The following SEMA3G variants were observed in gnomAD, a reference collection of about 807,000 sequenced individuals.
SEMA3G encodes the protein semaphorin 3G.
A neutral mutation model predicts 86.2 loss-of-function variants in SEMA3G; 70 were observed. The ratio of observed to expected loss-of-function variants is 0.81; its 90% confidence interval spans 0.67 to 0.99. The LOEUF (loss-of-function observed/expected upper bound fraction) is 0.99, where lower values mean the gene tolerates loss of function less well. SEMA3G is among the 50% of genes least tolerant of loss of function. SEMA3G has a pLI of 0.00. For missense variants in SEMA3G, 1,002 were observed against 1,072.4 expected, an observed-to-expected ratio of 0.93 and a Z score of 0.92; for synonymous variants, 416 against 441.4, an observed-to-expected ratio of 0.94 and a Z score of 0.72.
In SEMA3G at chr3:52,442,283, G is replaced by T. The variant is rs1335526424; in HGVS notation, c.361C>A (p.Arg121=). Residue 121 remains arginine (R), a synonymous_variant, in exon 4 of 16, where the codon CGG becomes AGG. Coordinates refer to ENST00000231721, the MANE Select transcript of SEMA3G (RefSeq NM_020163.3). This position sits in a 1 kb window ranked among gnomAD's most constrained non-coding sequence, Gnocchi z 6.1. ...DPLTECANFV[R]VLQPHNRTHL... Reference sequence around the variant, plus strand: ...GTCCGGTTGTGAGGCTGTAGCACCCGCACGAAGTTGGCGCACTCTGTCTGC... The same window carrying T: ...GTCCGGTTGTGAGGCTGTAGCACCCTCACGAAGTTGGCGCACTCTGTCTGC... The T allele has an allele frequency of 6.8e-6, 11 of 1,613,710 alleles. No individual in the cohort carries two copies. Among genetic ancestry groups the T allele is most frequent in the African/African-American group, 1.3e-5 (1 of 74,862 alleles).
In SEMA3G at chr3:52,441,853, G is replaced by T. The variant is rs372103966; in HGVS notation, c.516C>A (p.His172Gln). ...TGCTGGCAAAGGGACGGCTGGGCTC[G>T]TGAGGGCACCGCCCCCGGCCACTTT... Reference protein sequence around the residue: ...SVESGRGRCPHEPSRPFASTF... With the variant: ...SVESGRGRCPQEPSRPFASTF... Residue 172 changes from histidine (H) to glutamine (Q), a missense_variant, in exon 5 of 16, where the codon CAC becomes CAA. Physicochemically the swap from His to Gln is conservative, Grantham distance 24. Coordinates refer to ENST00000231721, the MANE Select transcript of SEMA3G (RefSeq NM_020163.3). 6.2e-7 allele frequency: 1 copy of T among 1,600,396 alleles called. No individual in the cohort carries two copies. The highest frequency in any genetic ancestry group is 1.1e-5 in the South Asian group (1 of 89,342).
At position 52,435,951 on chromosome 3, in the gene SEMA3G, G is replaced by T; in HGVS notation, c.2001C>A (p.Val667=). 6.2e-7 allele frequency: 1 copy of T among 1,614,004 alleles called. No individual in the cohort carries two copies. Among genetic ancestry groups the T allele is most frequent in the Non-Finnish European group, 8.5e-7 (1 of 1,180,024 alleles). ...CCACAATCACCACCAGAGCCAGGCG[G>T]ACCACAGTCTGGGAGAAGCCATGCT... ...TLEHGFSQTV[V]RLALVVIVAS... Residue 667 remains valine (V), a synonymous_variant, in exon 16 of 16, where the codon GTC becomes GTA. Coordinates refer to ENST00000231721, the MANE Select transcript of SEMA3G (RefSeq NM_020163.3).
Position 52,442,123 on chromosome 3 carries a change from C to G in SEMA3G, c.459+62G>C. On this transcript the variant is annotated intron_variant, in intron 4 of 15. Coordinates refer to ENST00000231721, the MANE Select transcript of SEMA3G (RefSeq NM_020163.3). This position sits in a 1 kb window ranked among gnomAD's most constrained non-coding sequence, Gnocchi z 6.1. ...CCTACCCAGGCTCAATGGGAATGTT[C>G]AGGCAGCAGGGAGGAAATGTCACTG... is the stretch of plus-strand genomic sequence containing the variant. 1 of 1,558,566 alleles carries G rather than the reference C, an allele frequency of 6.4e-7. No homozygotes were observed. The highest frequency in any genetic ancestry group is 8.7e-7 in the Non-Finnish European group (1 of 1,149,622).
chr3:52,440,885 TC>T (rs780980229), intron 8 of SEMA3G, 48 bp downstream of exon 8: 1 of 1,600,206 alleles, frequency 6.2e-7, no homozygotes, highest in Non-Finnish European at 8.5e-7. Flanking sequence ...TCACCAGCTC[TC>T]AGCCCTCCCC....
rs753044794 is a variant in SEMA3G at position 52,439,772 on chromosome 3, C to T, written c.1376-1G>A. 6.2e-7 allele frequency: 1 copy of T among 1,613,682 alleles called. No individual in the cohort carries two copies. Among genetic ancestry groups the T allele is most frequent in the South Asian group, 1.1e-5 (1 of 91,054 alleles). On this transcript the variant is annotated splice_acceptor_variant, in intron 11 of 15. Transcript: ENST00000231721. LOFTEE classifies it high-confidence loss of function. ...ATGACTTTGAGCACAGACCCTGAGT[C>T]TGGGGCCAGGGAGGAGGGGTCAGCG... is the stretch of plus-strand genomic sequence containing the variant.
At chr3:52,444,085 G>A (rs1706212646) in intron 1 of SEMA3G, among the ~76,000 whole-genome samples, 1 of 152,168 alleles carries the variant, frequency 6.6e-6, no homozygotes, top group South Asian at 2.1e-4. Flanking sequence ...TGGGAAGTGG[G>A]CTGCAAGGGG....
rs613519 is a variant in SEMA3G at position 52,434,924 on chromosome 3, T to C, written c.*679A>G. Reference sequence around the variant, plus strand: ...CCCACCTGGTTTACAAAGTGAAGCCTGAGCCCTGACCACCCCAGATCCCTG... The same window carrying C: ...CCCACCTGGTTTACAAAGTGAAGCCCGAGCCCTGACCACCCCAGATCCCTG... On this transcript the variant is annotated 3_prime_UTR_variant, in exon 16 of 16. Transcript: ENST00000231721. This position sits in a 1 kb window ranked among gnomAD's most constrained non-coding sequence, Gnocchi z 5.2. 0.96 allele frequency: 145,887 copies of C among 152,336 alleles called. 69,883 individuals carry two copies. Among genetic ancestry groups the C allele is most frequent in the African/African-American group, 0.98 (40,557 of 41,542 alleles). The allele number at this position is 152,336 out of a possible 1,614,324, so 9.4% of individuals were successfully genotyped here.
In SEMA3G at chr3:52,444,899, G is replaced by T. The variant is rs766455494; in HGVS notation, c.115+14C>A. 1 of 1,302,558 alleles carries T rather than the reference G, an allele frequency of 7.7e-7. No homozygotes were observed. Among genetic ancestry groups the T allele is most frequent in the East Asian group, 3.1e-5 (1 of 31,972 alleles). The allele number at this position is 1,302,558 out of a possible 1,614,324, so 80.7% of individuals were successfully genotyped here. On this transcript the variant is annotated intron_variant, in intron 1 of 15. Transcript: ENST00000231721. ...GGGCACATGCACACAAACAGGGCACGCAGGGGCTGGTACCTCGGTAGGAGA... is the reference window on the plus strand; with the variant it reads ...GGGCACATGCACACAAACAGGGCACTCAGGGGCTGGTACCTCGGTAGGAGA...
chr3:52,437,918 C>A (rs1396609320), intron 14 of SEMA3G, 53 bp downstream of exon 14: 20 of 1,508,534 alleles, frequency 1.3e-5, no homozygotes, highest in Admixed American at 5.1e-5. Context: ...TGGAGCCGGG[C>A]CACAGGGGTG....
intron 5 of SEMA3G, 38 bp from the exon 6 acceptor site, chr3:52,441,728 G>A (rs746637988): frequency 6.3e-7 from 1 of 1,593,162 alleles, no homozygotes; most frequent in Admixed American, 1.7e-5. Context: ...AGGGGAGGAG[G>A]CCCAGGCCCA....
rs1447801012 is a variant in SEMA3G at position 52,440,445 on chromosome 3, G to A, written c.1075C>T (p.His359Tyr). The A allele has an allele frequency of 6.2e-7, 1 of 1,610,518 alleles. No homozygotes were observed. The highest frequency in any genetic ancestry group is 8.5e-7 in the Non-Finnish European group (1 of 1,179,148). The change falls in exon 10 of 16, where the codon CAC becomes TAC. Residue 359 changes from histidine (H) to tyrosine (Y), a missense_variant. His to Tyr is a moderately conservative substitution (Grantham distance 83, BLOSUM62 2). Transcript: ENST00000231721. ...CACTGGTGCTGAGGCCCATCTCGGT[G>A]GGCAAAGGGCCCGTTGAAAACCTCC... ...IWEVFNGPFA[H>Y]RDGPQHQWGP... is the part of the protein sequence containing the mutation.
At position 52,439,950 on chromosome 3, in the gene SEMA3G, T is replaced by C. The variant is rs754529678; in HGVS notation, c.1292A>G (p.His431Arg). The change falls in exon 11 of 16, where the codon CAC (histidine) becomes CGC (arginine). Residue 431 changes from histidine to arginine, a missense_variant. Transcript: ENST00000231721. ...RHGRPVLVKT[H>R]LAQQLHQIVV... is the part of the protein sequence containing the mutation. ...GATCTGGTGTAGCTGCTGGGCCAGG[T>C]GGGTCTTGACAAGGACAGGGCGGCC... 6.2e-7 allele frequency: 1 copy of C among 1,613,722 alleles called. No individual in the cohort carries two copies. The highest frequency in any genetic ancestry group is 8.5e-7 in the Non-Finnish European group (1 of 1,179,976).
chr3:52,437,567 C>A lies in SEMA3G; in HGVS notation c.1838G>T (p.Arg613Leu). 1.9e-6 allele frequency: 3 copies of A among 1,613,208 alleles called. No individual in the cohort carries two copies. Among genetic ancestry groups the A allele is most frequent in the Non-Finnish European group, 2.5e-6 (3 of 1,179,962 alleles). ...ATCCCCTGGCCTCTGCAAGAGCCAGCGCACAGCAGCCTGGGGAGACTTGGG... is the reference window on the plus strand; with the variant it reads ...ATCCCCTGGCCTCTGCAAGAGCCAGAGCACAGCAGCCTGGGGAGACTTGGG... ...CLPKSPQAAV[R>L]WLLQRPGDEG... Residue 613 changes from arginine to leucine, a missense_variant, in exon 15 of 16, where the codon CGC becomes CTC. Physicochemically the swap from Arg to Leu is moderately radical, Grantham distance 102 (BLOSUM62 -2). Transcript: ENST00000231721.
Position 52,442,291 on chromosome 3 carries a change from T to C in SEMA3G, c.353A>G (p.Asn118Ser). ...KGRDPLTECA[N>S]FVRVLQPHNR... ...GTGAGGCTGTAGCACCCGCACGAAG[T>C]TGGCGCACTCTGTCTGCGGGGAGAA... The change falls in exon 4 of 16, where the codon AAC becomes AGC. Residue 118 changes from asparagine (N) to serine (S), a missense_variant. Asn to Ser is a conservative substitution (Grantham distance 46). Coordinates refer to ENST00000231721, the MANE Select transcript of SEMA3G (RefSeq NM_020163.3). This position sits in a 1 kb window ranked among gnomAD's most constrained non-coding sequence, Gnocchi z 6.1. 1 of 1,612,114 alleles carries C rather than the reference T, an allele frequency of 6.2e-7. No individual in the cohort carries two copies. The highest frequency in any genetic ancestry group is 1.7e-5 in the Admixed American group (1 of 59,916).
chr3:52,444,985 G>A lies in SEMA3G; in HGVS notation c.43C>T (p.Leu15Phe), dbSNP rs569817739. Residue 15 changes from leucine (L) to phenylalanine (F), a missense_variant, in exon 1 of 16, where the codon CTC (leucine) becomes TTC (phenylalanine). Leu to Phe is a conservative substitution (Grantham distance 22). Transcript: ENST00000231721. ...AWAICWLLGG[L>F]LLHGGSSGPS... Reference sequence around the variant, plus strand: ...CCAGAGCTACCCCCATGGAGCAGGAGGCCCCCTAGCAGCCAGCAAATGGCC... The same window carrying A: ...CCAGAGCTACCCCCATGGAGCAGGAAGCCCCCTAGCAGCCAGCAAATGGCC... The A allele has an allele frequency of 6.5e-5, 84 of 1,292,896 alleles. No homozygotes were observed. In the Middle Eastern group the frequency reaches 8.8e-4, roughly 14 times the overall value. The allele number at this position is 1,292,896 out of a possible 1,614,324, so 80.1% of individuals were successfully genotyped here.
chr3:52,440,977 C>T lies in SEMA3G; in HGVS notation c.885G>A (p.Ser295=), dbSNP rs771113427. The T allele has an allele frequency of 2.7e-5, 43 of 1,607,198 alleles. No individual in the cohort carries two copies. The highest frequency in any genetic ancestry group is 3.3e-5 in the Non-Finnish European group (39 of 1,179,476). The part of the protein sequence containing the change: ...STFLKARLVC[S]VPGPGGAETH... ...TCTCGGCACCACCAGGGCCGGGCAC[C>T]GAGCAGACCAGCCTGGCCTTGAGGA... The change falls in exon 8 of 16, where the codon TCG becomes TCA. Residue 295 remains serine (S), a synonymous_variant. Transcript: ENST00000231721.
chr3:52,441,806 G>A lies in SEMA3G; in HGVS notation c.550+13C>T, dbSNP rs761879042. 4 of 1,606,388 alleles carry A rather than the reference G, an allele frequency of 2.5e-6. No homozygotes were observed. Among genetic ancestry groups the A allele is most frequent in the Admixed American group, 1.7e-5 (1 of 59,272 alleles). On this transcript the variant is annotated intron_variant, in intron 5 of 15. Transcript: ENST00000231721. ...ACCCTCCCTGTTCTCACCCTGGCCT[G>A]GGCATCACCCACCTATGAAGGTGCT... is the stretch of plus-strand genomic sequence containing the variant.
rs769892502 is a variant in SEMA3G, at chr3:52,441,248, C to T, written c.813+16G>A. ...TAGCAGGGACTTGAACCTCACCACC[C>T]CTTCCCAGCTCTTACCACGCAGACG... is the stretch of plus-strand genomic sequence containing the variant. On this transcript the variant is annotated intron_variant, in intron 7 of 15. Coordinates refer to ENST00000231721, the MANE Select transcript of SEMA3G (RefSeq NM_020163.3). 2.5e-6 allele frequency: 4 copies of T among 1,610,610 alleles called. No homozygotes were observed. The South Asian group carries it at 4.4e-5, about 18-fold the overall frequency.
rs142042017 is a variant in SEMA3G at position 52,436,025 on chromosome 3, G to A, written c.1927C>T (p.Arg643Cys). 14 of 1,613,244 alleles carry A rather than the reference G, an allele frequency of 8.7e-6. No individual in the cohort carries two copies. The African/African-American group carries it at 1.1e-4, about 12-fold the overall frequency. ...CCCGCATCGAAACGGCTAAGCCTGC[G>A]GAACAGCAGCCCCCGCTCCGTGTGC... ...VLHTERGLLF[R>C]RLSRFDAGTY... Residue 643 changes from arginine (R) to cysteine (C), a missense_variant, in exon 16 of 16, where the codon CGC becomes TGC. Coordinates refer to ENST00000231721, the MANE Select transcript of SEMA3G (RefSeq NM_020163.3).
Sources: gnomAD v4.1 joint callset for allele counts (sites outside exome capture counted in the v4.1 genomes callset) on GRCh38, gnomAD v4.1.1 for gene constraint, Gnocchi (gnomAD v3.1) non-coding constraint, MANE v1.5 for transcripts, NCBI Gene and HGNC (gene_info 2026-07-23, HGNC 2026-07-21) for gene names.